Variants in SGCD observed in about 807,000 individuals in gnomAD.
The protein encoded by SGCD is delta-sarcoglycan.
Under a neutral mutation model 36.6 loss-of-function variants are expected in SGCD, and 18 were observed. That is an observed-to-expected ratio of 0.49 (90% CI 0.34 to 0.73). SGCD has a LOEUF of 0.73. Among genes scored for constraint, SGCD ranks in the 30% least tolerant of loss-of-function variants. The pLI, the probability that SGCD is intolerant of heterozygous loss-of-function variation, is 0.01. For missense variants in SGCD, 387 were observed against 346.7 expected, an observed-to-expected ratio of 1.12 and a Z score of -0.92; for synonymous variants, 133 against 130.6, an observed-to-expected ratio of 1.02 and a Z score of -0.12.
At chr5:156,676,071 A>T (rs563939127) in intron 7 of SGCD, among the ~76,000 whole-genome samples, 3 of 152,346 alleles carry the variant, frequency 2.0e-5, no homozygotes, top group Admixed American at 6.5e-5. Flanking sequence ...AGATTTATTT[A>T]ATTTAATTTT....
At chr5:156,398,155 C>A (rs547747013) in intron 3 of SGCD, among the ~76,000 whole-genome samples, 4 of 152,290 alleles carry the variant, frequency 2.6e-5, no homozygotes, top group South Asian at 2.1e-4. Flanking sequence ...ATCTGCGAGA[C>A]CTGACAGTCT....
rs946097681 is a variant in SGCD at position 156,496,567 on chromosome 5, G to A, written c.193-12034G>A. 5.3e-5 allele frequency among the ~76,000 whole-genome samples: 8 copies of A among 152,164 alleles called. No individual in the cohort carries two copies. The East Asian group carries it at 5.8e-4, about 11-fold the overall frequency. ...ATGTACTATCTGTCTTCTCTGAGTC[G>A]GGGATTATGACATGAGATTAGGATA... On this transcript the variant is annotated intron_variant, in intron 3 of 8. Coordinates refer to ENST00000337851, the MANE Select transcript of SGCD (RefSeq NM_000337.6).
chr5:156,343,112 C>CAAA (rs5872457), intron 2 of SGCD, among the ~76,000 whole-genome samples: 3 of 148,570 alleles, frequency 2.0e-5, no homozygotes, highest in Non-Finnish European at 1.5e-5. Context: ...ATCTAAAAAC[C>CAAA]AAAAAAAAAA....
chr5:156,158,114 G>A (rs1204317809), intron 3 of SGCD, among the ~76,000 whole-genome samples: 2 of 151,184 alleles, frequency 1.3e-5, no homozygotes, highest in African/African-American at 4.9e-5. Flanking sequence ...CTGGTGGAAA[G>A]GACTATGCAT....
At chr5:156,194,294 T>TAGAG (rs1763968169) in intron 3 of SGCD, among the ~76,000 whole-genome samples, 2 of 152,016 alleles carry the variant, frequency 1.3e-5, no homozygotes, top group Non-Finnish European at 2.9e-5. Context: ...TGGGAGGATC[T>TAGAG]CTTGGGCCTG....
intron 1 of SGCD, among the ~76,000 whole-genome samples, chr5:156,105,655 C>T (rs1350743322): frequency 6.6e-6 from 1 of 152,120 alleles, no homozygotes; most frequent in Admixed American, 6.6e-5. Context: ...AAAATACTTG[C>T]AGGACGTGTA....
intron 3 of SGCD, among the ~76,000 whole-genome samples, chr5:156,290,549 C>G (rs1766731642): frequency 6.6e-6 from 1 of 152,154 alleles, no homozygotes; most frequent in African/African-American, 2.4e-5. Context: ...CTGCCTCATG[C>G]AGTCCTGGTA....
At chr5:156,453,117 A>C (rs1371846710) in intron 3 of SGCD, among the ~76,000 whole-genome samples, 1 of 152,214 alleles carries the variant, frequency 6.6e-6, no homozygotes, top group East Asian at 1.9e-4. Context: ...ATAGAATAGC[A>C]TGAACTTAGA....
intron 3 of SGCD, among the ~76,000 whole-genome samples, chr5:156,243,668 G>A (rs1765361615): frequency 6.6e-6 from 1 of 152,130 alleles, no homozygotes. Flanking sequence ...CTATATTCCT[G>A]TCTTTGCTGA....
At chr5:156,000,031 C>A (rs1045004303) in intron 1 of SGCD, among the ~76,000 whole-genome samples, 3 of 152,228 alleles carry the variant, frequency 2.0e-5, no homozygotes, top group African/African-American at 7.2e-5. Flanking sequence ...ATTCTTGAAG[C>A]CTTTGCATTG....
At chr5:156,606,139 G>T (rs1259588511) in intron 6 of SGCD, among the ~76,000 whole-genome samples, 5 of 152,122 alleles carry the variant, frequency 3.3e-5, no homozygotes, top group Non-Finnish European at 4.4e-5. Flanking sequence ...GTCCTGAATG[G>T]TATTGCCTAG....
Position 155,919,168 on chromosome 5 carries a change from GA to G in SGCD, c.-282+48745del, listed in dbSNP as rs113520349. ...TAAGACAGAACAGAGTAGAATTTTA[GA>G]GCTAGAAGTGGACATGAATATCATC... On this transcript the variant is annotated intron_variant, in intron 1 of 9. Transcript: ENST00000517913. Among the ~76,000 whole-genome samples, 810 of 152,324 alleles carry G rather than the reference GA, an allele frequency of 5.3e-3. 6 individuals are homozygous for G. The highest frequency in any genetic ancestry group is 0.018 in the African/African-American group (730 of 41,578).
intron 1 of SGCD, among the ~76,000 whole-genome samples, chr5:155,952,954 C>G (rs1250148691): frequency 6.6e-6 from 1 of 152,182 alleles, no homozygotes; most frequent in Admixed American, 6.5e-5. Flanking sequence ...TATCATTTAG[C>G]TTTGGGTGGG....
At chr5:155,929,310 G>A (rs934703342) in intron 1 of SGCD, among the ~76,000 whole-genome samples, 3 of 152,300 alleles carry the variant, frequency 2.0e-5, no homozygotes, top group South Asian at 2.1e-4. Flanking sequence ...TGAATGAGGG[G>A]ATAACTGCAG....
At chr5:155,883,422 C>G (rs577230267) in intron 1 of SGCD, among the ~76,000 whole-genome samples, 1 of 152,114 alleles carries the variant, frequency 6.6e-6, no homozygotes. Flanking sequence ...AAGAGACATG[C>G]AACTCTTTCT....
chr5:155,764,249 G>A, the SGCD span, among the ~76,000 whole-genome samples: 1 of 152,176 alleles, frequency 6.6e-6, no homozygotes, highest in Non-Finnish European at 1.5e-5. Flanking sequence ...TTAATAGGGA[G>A]AGGCCACTTT....
chr5:155,821,575 A>G, the SGCD span, among the ~76,000 whole-genome samples: 1 of 152,292 alleles, frequency 6.6e-6, no homozygotes, highest in Admixed American at 6.5e-5. Flanking sequence ...GGCCTCCCAA[A>G]GTGCTGGGAT....
chr5:156,074,617 T>C (rs1760713450), intron 1 of SGCD, among the ~76,000 whole-genome samples: 1 of 151,908 alleles, frequency 6.6e-6, no homozygotes, highest in Admixed American at 6.6e-5. Flanking sequence ...GAGGCAGAGG[T>C]TGCAGTGAGC....
chr5:156,449,677 C>CAAAAAAAA lies in SGCD; in HGVS notation c.193-58906_193-58899dup, dbSNP rs397883573. Reference sequence around the variant, plus strand: ...TGAAACTCCGTCTCTACTAAAAATACAAAAAAAAAAAAAAAAAAAAAAAAA... The same window carrying CAAAAAAAA: ...TGAAACTCCGTCTCTACTAAAAATACAAAAAAAAAAAAAAAAAAAAAAAAAAAAAAAAA... On this transcript the variant is annotated intron_variant, in intron 3 of 8. Coordinates refer to ENST00000337851, the MANE Select transcript of SGCD (RefSeq NM_000337.6). 8.6e-3 allele frequency among the ~76,000 whole-genome samples: 398 copies of CAAAAAAAA among 46,056 alleles called. 7 individuals are homozygous for CAAAAAAAA. Among genetic ancestry groups the CAAAAAAAA allele is most frequent in the Middle Eastern group, 0.031 (2 of 64 alleles). The allele number at this position is 46,056 out of a possible 152,430, so 30.2% of individuals were successfully genotyped here. A position where few individuals can be genotyped will look rare whatever the true frequency, so the allele number is the denominator to read the frequency against.
Sources: gnomAD v4.1 joint callset for allele counts (sites outside exome capture counted in the v4.1 genomes callset) on GRCh38, gnomAD v4.1.1 for gene constraint, MANE v1.5 for transcripts, NCBI Gene and HGNC (gene_info 2026-07-23, HGNC 2026-07-21) for gene names.